The following NRXN1 variants were observed in gnomAD, a reference collection of about 807,000 sequenced individuals.
NRXN1 encodes neurexin-1.
Under a neutral mutation model 150.9 loss-of-function variants are expected in NRXN1, and 39 were observed. That is an observed-to-expected ratio of 0.26 (90% CI 0.20 to 0.34). The LOEUF is 0.34. NRXN1 is among the 10% of genes least tolerant of loss of function. The pLI is 1.00. For missense variants in NRXN1, 1,815 were observed against 1,949.9 expected, an observed-to-expected ratio of 0.93 and a Z score of 1.30; for synonymous variants, 924 against 757.0, an observed-to-expected ratio of 1.22 and a Z score of -3.62.
chr2:50,294,294 T>C (rs1283192905), intron 17 of NRXN1, among the ~76,000 whole-genome samples: 2 of 152,196 alleles, frequency 1.3e-5, no homozygotes, highest in African/African-American at 4.8e-5. Flanking sequence ...CTAAGTCTTA[T>C]TTTTTAGGAA....
intron 21 of NRXN1, among the ~76,000 whole-genome samples, chr2:49,986,209 G>A (rs557186318): frequency 4.6e-5 from 7 of 152,072 alleles, no homozygotes; most frequent in East Asian, 1.9e-4. Context: ...CTAAAGCAGC[G>A]ATTCTCAATT....
chr2:50,106,556 G>C (rs1226967725), intron 18 of NRXN1, among the ~76,000 whole-genome samples: 2 of 151,922 alleles, frequency 1.3e-5, no homozygotes, highest in African/African-American at 4.8e-5. Context: ...AGAGATGTGG[G>C]AAACATTTAA....
At chr2:50,199,489 T>G (rs1449570064) in intron 18 of NRXN1, among the ~76,000 whole-genome samples, 2 of 151,938 alleles carry the variant, frequency 1.3e-5, no homozygotes, top group Non-Finnish European at 2.9e-5. Flanking sequence ...AGAAAGTGCA[T>G]GTATGCCAAA....
At chr2:50,424,547 C>T (rs916574491) in intron 17 of NRXN1, among the ~76,000 whole-genome samples, 1 of 152,056 alleles carries the variant, frequency 6.6e-6, no homozygotes, top group Non-Finnish European at 1.5e-5. Flanking sequence ...CTAACACTGG[C>T]TCTCTAACAA....
chr2:50,955,590 C>G (rs1024967367), intron 2 of NRXN1, among the ~76,000 whole-genome samples: 1 of 152,148 alleles, frequency 6.6e-6, no homozygotes, highest in African/African-American at 2.4e-5. Context: ...CTGTCAACAG[C>G]AGAACAGTGC....
intron 2 of NRXN1, among the ~76,000 whole-genome samples, chr2:50,935,900 T>C (rs1688476316): frequency 6.6e-6 from 1 of 152,170 alleles, no homozygotes; most frequent in South Asian, 2.1e-4. Context: ...ATTTAAAGTA[T>C]TTTCCAAGTC....
At chr2:50,911,316 T>C (rs1331394367) in intron 5 of NRXN1, among the ~76,000 whole-genome samples, 1 of 151,748 alleles carries the variant, frequency 6.6e-6, no homozygotes, top group East Asian at 2.0e-4. Flanking sequence ...CTTGACCTTA[T>C]CACCCTCATC....
intron 15 of NRXN1, among the ~76,000 whole-genome samples, chr2:50,477,165 T>A (rs2090058913): frequency 2.0e-5 from 3 of 150,070 alleles, no homozygotes; most frequent in Admixed American, 1.3e-4. Context: ...AAGAGAGGAG[T>A]TTTCAGTTAT....
chr2:50,594,606 G>C (rs1674845873), intron 8 of NRXN1, among the ~76,000 whole-genome samples: 1 of 152,138 alleles, frequency 6.6e-6, no homozygotes, highest in South Asian at 2.1e-4. Context: ...TGAAGCTGAA[G>C]GGAAGGACTA....
intron 17 of NRXN1, among the ~76,000 whole-genome samples, chr2:50,461,545 T>C (rs1355377535): frequency 1.3e-5 from 2 of 152,030 alleles, no homozygotes; most frequent in Admixed American, 6.6e-5. Flanking sequence ...AAAAGGATTA[T>C]TGTGTAGCAC....
At chr2:50,821,750 T>A (rs1669765246) in intron 5 of NRXN1, among the ~76,000 whole-genome samples, 1 of 151,976 alleles carries the variant, frequency 6.6e-6, no homozygotes, top group Non-Finnish European at 1.5e-5. Context: ...AAAAAAGAAT[T>A]TAAGAAGGCT....
intron 5 of NRXN1, among the ~76,000 whole-genome samples, chr2:50,687,039 C>A (rs1348731306): frequency 6.6e-6 from 1 of 152,130 alleles, no homozygotes; most frequent in African/African-American, 2.4e-5. Context: ...AAGTGCTTAG[C>A]GTCAAATTGA....
intron 21 of NRXN1, among the ~76,000 whole-genome samples, chr2:49,987,460 T>C (rs1681123326): frequency 6.6e-6 from 1 of 152,172 alleles, no homozygotes; most frequent in African/African-American, 2.4e-5. Context: ...ATATGTCCTA[T>C]TGTTGTTTCC....
At chr2:49,969,048 C>T (rs997444767) in intron 21 of NRXN1, among the ~76,000 whole-genome samples, 4 of 152,074 alleles carry the variant, frequency 2.6e-5, no homozygotes, top group Non-Finnish European at 4.4e-5. Flanking sequence ...TTTCAACATT[C>T]TGGAAAGAGA....
At chr2:49,928,009 AAAGT>A (rs1669418777) in intron 22 of NRXN1, among the ~76,000 whole-genome samples, 1 of 152,144 alleles carries the variant, frequency 6.6e-6, no homozygotes, top group Non-Finnish European at 1.5e-5. Context: ...CACCAAGGAT[AAAGT>A]AAGAGTATCA....
At chr2:50,650,171 G>A (rs1685399726) in intron 5 of NRXN1, among the ~76,000 whole-genome samples, 1 of 152,022 alleles carries the variant, frequency 6.6e-6, no homozygotes, top group Non-Finnish European at 1.5e-5. Context: ...TTTAACCTCT[G>A]GTGAGGTAGT....
At chr2:50,313,224 A>G (rs2075321657) in intron 17 of NRXN1, among the ~76,000 whole-genome samples, 1 of 152,074 alleles carries the variant, frequency 6.6e-6, no homozygotes, top group Admixed American at 6.6e-5. Context: ...GTGAATAACT[A>G]CAGTCTCATT....
intron 17 of NRXN1, among the ~76,000 whole-genome samples, chr2:50,438,318 A>T (rs1347291496): frequency 6.6e-6 from 1 of 152,188 alleles, no homozygotes; most frequent in Admixed American, 6.5e-5. Flanking sequence ...GAAAACTAGG[A>T]GTGGGATTTA....
chr2:50,146,132 T>C (rs1707976786), intron 18 of NRXN1, among the ~76,000 whole-genome samples: 1 of 151,648 alleles, frequency 6.6e-6, no homozygotes, highest in Non-Finnish European at 1.5e-5. Flanking sequence ...GAAGGCGGGT[T>C]AAACTGGCAG....
Sources: allele counts gnomAD v4.1 joint callset (sites outside exome capture counted in the v4.1 genomes callset), GRCh38; gene constraint gnomAD v4.1.1; transcripts MANE v1.5; gene names NCBI Gene and HGNC (gene_info 2026-07-23, HGNC 2026-07-21).